PPARD: variants seen among roughly 807,000 people sequenced by gnomAD.
PPARD encodes the protein peroxisome proliferator activated receptor delta.
PPARD carries 6 observed loss-of-function variants against 39.5 expected under a neutral mutation model. The observed-to-expected ratio is 0.15, with a 90% confidence interval of 0.08 to 0.30. The LOEUF is 0.30. PPARD is among the 10% of genes least tolerant of loss of function. The pLI is 1.00. For synonymous variants in PPARD, 210 were observed against 231.3 expected (o/e 0.91, Z 0.83); for missense variants, 397 against 596.8 (o/e 0.67, Z 3.49).
rs772372941 is a variant in PPARD, at chr6:35,387,009, A to G, written c.-101-23978A>G. Among the ~76,000 whole-genome samples the G allele has an allele frequency of 7.3e-5, 11 of 151,566 alleles. No individual in the cohort carries two copies. The South Asian group carries it at 8.3e-4, about 11-fold the overall frequency. On this transcript the variant is annotated intron_variant, in intron 2 of 7. Transcript: ENST00000360694. ...CTTTCCCCCACCTCCTGACAAATATATAAACTGGAAATTGATCCAGTCCTG... is the reference window on the plus strand; with the variant it reads ...CTTTCCCCCACCTCCTGACAAATATGTAAACTGGAAATTGATCCAGTCCTG...
At chr6:35,371,295 C>CCCTG (rs770262955) in intron 2 of PPARD, among the ~76,000 whole-genome samples, 6 of 152,108 alleles carry the variant, frequency 3.9e-5, no homozygotes, top group Non-Finnish European at 5.9e-5. Context: ...GCCTTTGCTG[C>CCCTG]CCTGGTTCCT....
intron 2 of PPARD, among the ~76,000 whole-genome samples, chr6:35,375,561 C>A (rs761669341): frequency 2.0e-5 from 3 of 151,074 alleles, no homozygotes; most frequent in Non-Finnish European, 4.4e-5. Flanking sequence ...TTGTTTTTTT[C>A]TTTTTTGAGA....
chr6:35,360,032 G>A (rs1243057391), intron 2 of PPARD, among the ~76,000 whole-genome samples: 1 of 152,134 alleles, frequency 6.6e-6, no homozygotes, highest in African/African-American at 2.4e-5. Context: ...TCAGAAAATA[G>A]CAGTCTCTTG....
Position 35,355,715 on chromosome 6 carries a change from C to T in PPARD, c.-102+8565C>T, listed in dbSNP as rs919757401. 1.0e-3 allele frequency among the ~76,000 whole-genome samples: 154 copies of T among 147,526 alleles called. 2 individuals are homozygous for T. The highest frequency in any genetic ancestry group is 3.6e-3 in the African/African-American group (142 of 39,392). On this transcript the variant is annotated intron_variant, in intron 2 of 7. Transcript: ENST00000360694. ...CAAGCTCCGCCTCCCAGGTTCGCGC[C>T]GTTCTCCTGCCTCAGCCTCCCGAGT...
Position 35,425,747 on chromosome 6 carries a change from C to G in PPARD, c.1079-85C>G. On this transcript the variant is annotated intron_variant, in intron 7 of 7. Transcript: ENST00000360694. This position sits in a 1 kb window ranked among gnomAD's most constrained non-coding sequence, Gnocchi z 4.5. ...GTCACGGCCAAGGAGGCCTGCCGTC[C>G]CCTGGGCCAAGTCACCTCTTGGGGT... 1 of 1,559,566 alleles carries G rather than the reference C, an allele frequency of 6.4e-7. No homozygotes were observed. The highest frequency in any genetic ancestry group is 8.7e-7 in the Non-Finnish European group (1 of 1,154,142).
At chr6:35,362,235 G>A (rs1186009812) in intron 2 of PPARD, among the ~76,000 whole-genome samples, 1 of 152,108 alleles carries the variant, frequency 6.6e-6, no homozygotes, top group Non-Finnish European at 1.5e-5. Context: ...TGTGGTGTCT[G>A]CTTGTCCTCC....
intron 2 of PPARD, among the ~76,000 whole-genome samples, chr6:35,400,674 C>G (rs1342325729): frequency 6.6e-6 from 1 of 151,988 alleles, no homozygotes; most frequent in Non-Finnish European, 1.5e-5. Context: ...GTGGTGCACA[C>G]CTGTGGTCCC....
At chr6:35,395,472 TAACTTC>T (rs1372991981) in intron 2 of PPARD, among the ~76,000 whole-genome samples, 1 of 152,210 alleles carries the variant, frequency 6.6e-6, no homozygotes, top group Non-Finnish European at 1.5e-5. Context: ...TTCAACACTT[TAACTTC>T]ATCTTACTTC....
chr6:35,396,928 C>T (rs1764363386), intron 2 of PPARD, among the ~76,000 whole-genome samples: 1 of 152,164 alleles, frequency 6.6e-6, no homozygotes, highest in South Asian at 2.1e-4. Flanking sequence ...CCCTGCCCAG[C>T]TGCTGTGCCC....
intron 2 of PPARD, among the ~76,000 whole-genome samples, chr6:35,381,162 G>C (rs1022228732): frequency 2.6e-5 from 4 of 151,870 alleles, no homozygotes; most frequent in African/African-American, 4.8e-5. Flanking sequence ...TGGCTTTTCA[G>C]TGTCTCCTCC....
intron 2 of PPARD, among the ~76,000 whole-genome samples, chr6:35,353,261 T>C: frequency 6.6e-6 from 1 of 152,128 alleles, no homozygotes; most frequent in East Asian, 1.9e-4. Context: ...AAAAGGTAGA[T>C]TAGGAATGGA....
At chr6:35,394,812 T>TA (rs984261887) in intron 2 of PPARD, among the ~76,000 whole-genome samples, 6 of 127,830 alleles carry the variant, frequency 4.7e-5, no homozygotes, top group African/African-American at 1.2e-4. Context: ...AGATAAGCAA[T>TA]AAAAAAAGTA....
At chr6:35,342,967 A>C (rs1791942722) in intron 1 of PPARD, among the ~76,000 whole-genome samples, 3 of 146,394 alleles carry the variant, frequency 2.0e-5, no homozygotes, top group South Asian at 2.2e-4. Flanking sequence ...CTTCCACCCT[A>C]CTCTTTGCCC....
At chr6:35,382,981 C>T (rs1309003421) in intron 2 of PPARD, among the ~76,000 whole-genome samples, 1 of 152,162 alleles carries the variant, frequency 6.6e-6, no homozygotes, top group Non-Finnish European at 1.5e-5. Context: ...CGACTGCACC[C>T]GTATCAGAGT....
chr6:35,418,010 G>A lies in PPARD; in HGVS notation c.131-2117G>A, dbSNP rs534995567. Reference sequence around the variant, plus strand: ...GACCTTCCATGGCCACAGGGAGGATGAGAAAGGCACCTCCAGGAGGTGTGA... The same window carrying A: ...GACCTTCCATGGCCACAGGGAGGATAAGAAAGGCACCTCCAGGAGGTGTGA... On this transcript the variant is annotated intron_variant, in intron 3 of 7. Coordinates refer to ENST00000360694, the MANE Select transcript of PPARD (RefSeq NM_006238.5). 1.4e-3 allele frequency among the ~76,000 whole-genome samples: 206 copies of A among 152,300 alleles called. 3 individuals carry two copies. The highest frequency in any genetic ancestry group is 8.3e-3 in the South Asian group (40 of 4,818).
rs1278404832 is a variant in PPARD, at chr6:35,426,469, C to T, written c.*390C>T. 1 of 221,226 alleles carries T rather than the reference C, an allele frequency of 4.5e-6. No homozygotes were observed. Among genetic ancestry groups the T allele is most frequent in the African/African-American group, 2.3e-5 (1 of 43,016 alleles). 13.7% of individuals were successfully genotyped at this position (221,226 alleles called of 1,614,324 possible). ...TTTCACCAGCAGCATAGAACAGGACCTCTGCTTTTGCACACCTTTTCCCCA... is the reference window on the plus strand; with the variant it reads ...TTTCACCAGCAGCATAGAACAGGACTTCTGCTTTTGCACACCTTTTCCCCA... On this transcript the variant is annotated 3_prime_UTR_variant, in exon 8 of 8. Transcript: ENST00000360694.
At chr6:35,369,622 C>T (rs1291376583) in intron 2 of PPARD, among the ~76,000 whole-genome samples, 2 of 152,184 alleles carry the variant, frequency 1.3e-5, no homozygotes, top group African/African-American at 4.8e-5. Flanking sequence ...GTTTTGAAAC[C>T]TGCTTTAAAC....
intron 2 of PPARD, chr6:35,348,975 A>G (rs986356814): frequency 1.8e-4 from 176 of 984,612 alleles, no homozygotes; most frequent in Non-Finnish European, 2.1e-4. Context: ...TGTCCAGTTC[A>G]TCCCTGAGCC....
At chr6:35,380,954 C>T (rs749149812) in intron 2 of PPARD, among the ~76,000 whole-genome samples, 2 of 152,176 alleles carry the variant, frequency 1.3e-5, no homozygotes, top group Non-Finnish European at 2.9e-5. Flanking sequence ...TTCTCTTTCT[C>T]CTCTCTCCAC....
Sources: allele counts gnomAD v4.1 joint callset (sites outside exome capture counted in the v4.1 genomes callset), GRCh38; gene constraint gnomAD v4.1.1; non-coding constraint Gnocchi (gnomAD v3.1); transcripts MANE v1.5; gene names NCBI Gene and HGNC (gene_info 2026-07-23, HGNC 2026-07-21).